OLFM2: variants seen among roughly 807,000 people sequenced by gnomAD.
OLFM2 encodes noelin-2.
A neutral mutation model predicts 43.9 loss-of-function variants in OLFM2; 20 were observed. The ratio of observed to expected loss-of-function variants is 0.46; its 90% CI spans 0.32 to 0.66. The LOEUF is 0.66. Among genes scored for constraint, OLFM2 ranks in the 30% least tolerant of loss-of-function variants. The pLI, the probability that OLFM2 is intolerant of heterozygous loss-of-function variation, is 0.04. For missense variants in OLFM2, 416 were observed against 643.6 expected, an observed-to-expected ratio of 0.65 and a Z score of 3.83; for synonymous variants, 268 against 278.6, an observed-to-expected ratio of 0.96 and a Z score of 0.38.
At chr19:9,860,467 G>A (rs2046358189) in intron 2 of OLFM2, among the ~76,000 whole-genome samples, 178 bp downstream of exon 2, 1 of 119,852 alleles carries the variant, frequency 8.3e-6, no homozygotes, top group Admixed American at 9.3e-5. Flanking sequence ...GTGAGACCCT[G>A]TGTTAAAAGG....
chr19:9,892,144 A>G (rs1197607325), intron 1 of OLFM2, among the ~76,000 whole-genome samples: 1 of 152,016 alleles, frequency 6.6e-6, no homozygotes, highest in Non-Finnish European at 1.5e-5. Context: ...TGGGGTGTCA[A>G]TGTGCATGTC....
At chr19:9,892,814 T>C (rs144192069) in intron 1 of OLFM2, among the ~76,000 whole-genome samples, 2 of 152,174 alleles carry the variant, frequency 1.3e-5, no homozygotes, top group East Asian at 1.9e-4. Context: ...GCTCAACAAG[T>C]AGGGAGAGCA....
intron 1 of OLFM2, among the ~76,000 whole-genome samples, chr19:9,911,833 A>G (rs1478781119): frequency 1.3e-5 from 2 of 152,210 alleles, no homozygotes; most frequent in East Asian, 1.9e-4. Flanking sequence ...TCTGATTTCA[A>G]TGAGATACCA....
chr19:9,913,525 C>A, intron 1 of OLFM2: 1 of 1,197,290 alleles, frequency 8.4e-7, no homozygotes, highest in Non-Finnish European at 1.0e-6. Flanking sequence ...TGCCGTTGAG[C>A]CCCACGAGCG....
At chr19:9,922,980 G>T (rs1197195305) in intron 1 of OLFM2, among the ~76,000 whole-genome samples, 1 of 151,966 alleles carries the variant, frequency 6.6e-6, no homozygotes, top group African/African-American at 2.4e-5. Context: ...TGTTGGGGAG[G>T]ATATGGAGCA....
chr19:9,864,952 C>T (rs1042126064), intron 1 of OLFM2, among the ~76,000 whole-genome samples: 1 of 151,526 alleles, frequency 6.6e-6, no homozygotes, highest in African/African-American at 2.4e-5. Flanking sequence ...TCTCCCGGCA[C>T]GGGTTTCCTT....
intron 1 of OLFM2, among the ~76,000 whole-genome samples, chr19:9,903,288 C>T (rs931848396): frequency 1.3e-5 from 2 of 152,226 alleles, no homozygotes; most frequent in African/African-American, 4.8e-5. Context: ...CATGAGAGCC[C>T]ATCACACAGG....
intron 1 of OLFM2, among the ~76,000 whole-genome samples, chr19:9,908,390 T>G (rs1054521328): frequency 6.7e-6 from 1 of 150,326 alleles, no homozygotes; most frequent in African/African-American, 2.4e-5. Flanking sequence ...CACTGCAACC[T>G]CTGCCTCCTG....
chr19:9,928,751 G>A (rs1156700509), intron 1 of OLFM2, among the ~76,000 whole-genome samples: 1 of 151,774 alleles, frequency 6.6e-6, no homozygotes, highest in Non-Finnish European at 1.5e-5. Context: ...GTTGCAGTGA[G>A]ATGAGATCGT....
intron 1 of OLFM2, among the ~76,000 whole-genome samples, chr19:9,898,147 G>A (rs886154472): frequency 7.4e-5 from 11 of 148,858 alleles, no homozygotes; most frequent in African/African-American, 2.7e-4. Flanking sequence ...CTGACCTCAG[G>A]TGATACACCC....
chr19:9,890,043 C>CA lies in OLFM2; in HGVS notation c.64-29250dup, dbSNP rs371385853. 3.9e-3 allele frequency among the ~76,000 whole-genome samples: 588 copies of CA among 152,066 alleles called. 8 individuals carry two copies. Among genetic ancestry groups the CA allele is most frequent in the African/African-American group, 0.014 (574 of 41,476 alleles). On this transcript the variant is annotated intron_variant, in intron 1 of 5. Coordinates refer to ENST00000264833, the MANE Select transcript of OLFM2 (RefSeq NM_058164.4). ...AGGAGAGGGGACAACGAAGGGTCCC[C>CA]AGTGGCGCTGGGAGCTCACACGGGT...
chr19:9,879,695 C>A (rs2046523574), intron 1 of OLFM2, among the ~76,000 whole-genome samples: 2 of 152,148 alleles, frequency 1.3e-5, no homozygotes, highest in Admixed American at 6.6e-5. Flanking sequence ...TGTGCGCCAC[C>A]ACGCCTGGCT....
chr19:9,863,050 A>G (rs2046376042), intron 1 of OLFM2, among the ~76,000 whole-genome samples: 2 of 150,520 alleles, frequency 1.3e-5, no homozygotes, highest in East Asian at 1.9e-4. Flanking sequence ...TTGGGCTTGC[A>G]CACGTAGGCG....
At chr19:9,898,154 A>C (rs2046702929) in intron 1 of OLFM2, among the ~76,000 whole-genome samples, 1 of 145,854 alleles carries the variant, frequency 6.9e-6, no homozygotes. Flanking sequence ...CAGGTGATAC[A>C]CCCACCTCGG....
chr19:9,914,676 G>A (rs962912713), intron 1 of OLFM2, among the ~76,000 whole-genome samples: 2 of 152,030 alleles, frequency 1.3e-5, no homozygotes, highest in Non-Finnish European at 2.9e-5. Flanking sequence ...CCCCGCTCCC[G>A]GCCCGCTCCC....
intron 1 of OLFM2, among the ~76,000 whole-genome samples, chr19:9,921,629 C>T (rs796504958): frequency 5.3e-5 from 8 of 152,178 alleles, no homozygotes; most frequent in African/African-American, 1.9e-4. Flanking sequence ...GCTGGGACTA[C>T]AGGCGCCCGC....
rs538589730 is a variant in OLFM2, at chr19:9,878,119, G to A, written c.64-17325C>T. Reference sequence around the variant, plus strand: ...TTCCACCTTGGCTGCCTAGGTGCTCGGATTACAGGCGTGAGCCACCACACC... The same window carrying A: ...TTCCACCTTGGCTGCCTAGGTGCTCAGATTACAGGCGTGAGCCACCACACC... On this transcript the variant is annotated intron_variant, in intron 1 of 5. Coordinates refer to ENST00000264833, the MANE Select transcript of OLFM2 (RefSeq NM_058164.4). Among the ~76,000 whole-genome samples the A allele has an allele frequency of 2.2e-4, 34 of 152,242 alleles. 2 individuals are homozygous for A. The South Asian group carries it at 6.0e-3, about 27-fold the overall frequency.
intron 1 of OLFM2, among the ~76,000 whole-genome samples, chr19:9,915,473 AGAGT>A (rs2046867825): frequency 6.6e-6 from 1 of 151,470 alleles, no homozygotes; most frequent in South Asian, 2.1e-4. Flanking sequence ...AACTTTAAAC[AGAGT>A]GATTGGAGAA....
chr19:9,932,958 C>T (rs533131795), intron 1 of OLFM2, among the ~76,000 whole-genome samples: 1 of 152,150 alleles, frequency 6.6e-6, no homozygotes, highest in African/African-American at 2.4e-5. Flanking sequence ...ATCCAAACTT[C>T]TGCCCACAGC....
Sources: gnomAD v4.1 joint callset for allele counts (sites outside exome capture counted in the v4.1 genomes callset) on GRCh38, gnomAD v4.1.1 for gene constraint, MANE v1.5 for transcripts, NCBI Gene and HGNC (gene_info 2026-07-23, HGNC 2026-07-21) for gene names.